FILIP1L: variants seen among roughly 807,000 people sequenced by gnomAD.
FILIP1L encodes filamin A interacting protein 1 like, also known as filamin A-interacting protein 1-like.
A neutral mutation model predicts 96.6 loss-of-function variants in FILIP1L; 55 were observed. The ratio of observed to expected loss-of-function variants is 0.57; its 90% confidence interval spans 0.46 to 0.71. FILIP1L has a LOEUF of 0.71. FILIP1L is among the 30% of genes least tolerant of loss of function. The pLI, the probability that FILIP1L is intolerant of heterozygous loss-of-function variation, is 0.00. For missense variants in FILIP1L, 1,304 were observed against 1,321.2 expected, an observed-to-expected ratio of 0.99 and a Z score of 0.20; for synonymous variants, 467 against 473.9, an observed-to-expected ratio of 0.99 and a Z score of 0.19.
intron 1 of FILIP1L, among the ~76,000 whole-genome samples, chr3:100,001,050 C>T (rs1023548219): frequency 4.6e-5 from 7 of 152,132 alleles, no homozygotes; most frequent in Non-Finnish European, 8.8e-5. Flanking sequence ...TTCACACACA[C>T]ACACACTCTT....
intron 4 of FILIP1L, among the ~76,000 whole-genome samples, chr3:99,889,874 A>G (rs1279878014): frequency 6.6e-6 from 1 of 152,058 alleles, no homozygotes; most frequent in Non-Finnish European, 1.5e-5. Flanking sequence ...TATTATTGTT[A>G]TTATATATTT....
chr3:100,096,529 T>A (rs2066212001), intron 1 of FILIP1L, among the ~76,000 whole-genome samples: 1 of 147,370 alleles, frequency 6.8e-6, no homozygotes, highest in Non-Finnish European at 1.5e-5. Context: ...AAACATCACA[T>A]GTTCTGACTT....
At chr3:99,877,189 T>C (rs1212495653) in intron 4 of FILIP1L, among the ~76,000 whole-genome samples, 2 of 152,246 alleles carry the variant, frequency 1.3e-5, no homozygotes, top group African/African-American at 4.8e-5. Context: ...GGCATTCTTA[T>C]TTGCAAGCTT....
intron 1 of FILIP1L, among the ~76,000 whole-genome samples, chr3:99,951,722 A>G (rs1708183620): frequency 6.6e-6 from 1 of 152,194 alleles, no homozygotes; most frequent in African/African-American, 2.4e-5. Flanking sequence ...TTGACCCAAT[A>G]GGTACCCTTA....
At chr3:99,939,104 A>G (rs1707781022) in intron 1 of FILIP1L, among the ~76,000 whole-genome samples, 1 of 152,244 alleles carries the variant, frequency 6.6e-6, no homozygotes, top group Non-Finnish European at 1.5e-5. Flanking sequence ...TCATATTCCC[A>G]AGGATTCTAA....
chr3:99,859,499 C>G (rs1944135976), intron 4 of FILIP1L, among the ~76,000 whole-genome samples: 1 of 152,218 alleles, frequency 6.6e-6, no homozygotes, highest in Non-Finnish European at 1.5e-5. Flanking sequence ...TAATACATTA[C>G]TTTTTCTTCC....
intron 1 of FILIP1L, among the ~76,000 whole-genome samples, chr3:99,940,400 A>G (rs1707817211): frequency 6.6e-6 from 1 of 152,220 alleles, no homozygotes; most frequent in Non-Finnish European, 1.5e-5. Context: ...TTTCTTAGAA[A>G]TACAGTGATA....
intron 1 of FILIP1L, among the ~76,000 whole-genome samples, chr3:100,062,963 A>G (rs1218861154): frequency 6.6e-6 from 1 of 152,238 alleles, no homozygotes; most frequent in Non-Finnish European, 1.5e-5. Context: ...TTCAGCACGA[A>G]AGGAGGATAG....
rs537879832 is a variant in FILIP1L at position 100,023,537 on chromosome 3, A to G, written c.-11+90516T>C. 2.0e-5 allele frequency: 3 copies of G among 152,644 alleles called. No individual in the cohort carries two copies. In the East Asian group the frequency reaches 5.8e-4, roughly 29 times the overall value. 9.5% of individuals were successfully genotyped at this position (152,644 alleles called of 1,614,324 possible). ...GTGAAAGAACTGTAAGTGGTATGAG[A>G]CTAAAACAGTTTCTTGGGGGGAGAG... On this transcript the variant is annotated intron_variant, in intron 1 of 5. Coordinates refer to ENST00000477258, the MANE Select transcript of FILIP1L (RefSeq NM_001387850.1).
intron 1 of FILIP1L, among the ~76,000 whole-genome samples, chr3:99,975,080 A>G (rs1708930126): frequency 6.6e-6 from 1 of 152,232 alleles, no homozygotes; most frequent in Non-Finnish European, 1.5e-5. Context: ...TATACTGAGC[A>G]TCTTAGATTA....
Position 100,104,144 on chromosome 3 carries a change from T to C in FILIP1L, c.-11+9909A>G, listed in dbSNP as rs146557799. On this transcript the variant is annotated intron_variant, in intron 1 of 5. Coordinates refer to ENST00000477258, the MANE Select transcript of FILIP1L (RefSeq NM_001387850.1). ...TTGGATTGGAGAGCACAGGTTACAA[T>C]GAGAGTGGCCCTCTCTCACCCCCAC... Among the ~76,000 whole-genome samples the C allele has an allele frequency of 2.7e-3, 416 of 152,282 alleles. 2 individuals are homozygous for C. The highest frequency in any genetic ancestry group is 9.5e-3 in the African/African-American group (396 of 41,562).
At chr3:99,886,994 G>C (rs545485866) in intron 4 of FILIP1L, among the ~76,000 whole-genome samples, 1 of 142,986 alleles carries the variant, frequency 7.0e-6, no homozygotes, top group Non-Finnish European at 1.5e-5. Context: ...AGTACTGGCC[G>C]GGTGTGGTGG....
At chr3:99,841,401 C>G (rs1479148020) in intron 5 of FILIP1L, among the ~76,000 whole-genome samples, 1 of 152,160 alleles carries the variant, frequency 6.6e-6, no homozygotes. Context: ...TTTGCCGGAA[C>G]AGCAGATAAC....
chr3:99,849,329 G>A lies in FILIP1L; in HGVS notation c.2347C>T (p.Pro783Ser). ...GAAATTCTTCTTCCATTGAGACTAG[G>A]CCTGAGGCTCTTACTGAAATGCCGG... is the stretch of plus-strand genomic sequence containing the variant. ...RYRHFSKSLRPSLNGRRISDP... is the reference protein window; with the variant it reads ...RYRHFSKSLRSSLNGRRISDP... The change falls in exon 5 of 6, where the codon CCT becomes TCT. Residue 783 changes from proline to serine, a missense_variant. By Grantham distance (74) the Pro-to-Ser change is moderately conservative. Transcript: ENST00000477258. The A allele has an allele frequency of 6.2e-7, 1 of 1,614,046 alleles. No individual in the cohort carries two copies. Among genetic ancestry groups the A allele is most frequent in the Non-Finnish European group, 8.5e-7 (1 of 1,179,976 alleles).
chr3:99,868,694 C>T (rs188001169), intron 4 of FILIP1L, among the ~76,000 whole-genome samples: 5 of 152,280 alleles, frequency 3.3e-5, no homozygotes, highest in African/African-American at 1.2e-4. Flanking sequence ...CTTTTAACCT[C>T]AGGTTCTCCT....
At chr3:100,035,281 T>C (rs184048581) in intron 1 of FILIP1L, among the ~76,000 whole-genome samples, 1 of 152,246 alleles carries the variant, frequency 6.6e-6, no homozygotes, top group Admixed American at 6.5e-5. Context: ...TTAGTATTAT[T>C]ATTATTATTT....
intron 1 of FILIP1L, among the ~76,000 whole-genome samples, chr3:99,967,880 G>C (rs1708699356): frequency 6.6e-6 from 1 of 152,170 alleles, no homozygotes. Context: ...AGTTAACCTG[G>C]TATTAGCAAG....
At chr3:99,945,746 G>T (rs1408653646) in intron 1 of FILIP1L, among the ~76,000 whole-genome samples, 1 of 152,186 alleles carries the variant, frequency 6.6e-6, no homozygotes, top group East Asian at 1.9e-4. Flanking sequence ...GGGGTTGGGG[G>T]CTGGCAGCCT....
chr3:100,109,904 C>CCG lies in FILIP1L; in HGVS notation c.-11+4148_-11+4149insCG, dbSNP rs1491570661. On this transcript the variant is annotated intron_variant, in intron 1 of 5. Coordinates refer to ENST00000477258, the MANE Select transcript of FILIP1L (RefSeq NM_001387850.1). ...GCATCTGCAAATGTTTCTTTTATGA[C>CCG]CCCCCCCCCCCAGCACCACCCCCCA... The CCG allele has an allele frequency of 6.4e-3, 218 of 33,900 alleles. 3 individuals carry two copies. Among genetic ancestry groups the CCG allele is most frequent in the African/African-American group, 0.05 (196 of 3,930 alleles). 2.1% of individuals were successfully genotyped at this position (33,900 alleles called of 1,614,324 possible).
Sources: allele counts gnomAD v4.1 joint callset (sites outside exome capture counted in the v4.1 genomes callset), GRCh38; gene constraint gnomAD v4.1.1; transcripts MANE v1.5; gene names NCBI Gene and HGNC (gene_info 2026-07-23, HGNC 2026-07-21).